SLIT2: variants seen among roughly 807,000 people sequenced by gnomAD.
The protein encoded by SLIT2 is slit guidance ligand 2.
A neutral mutation model predicts 185.7 loss-of-function variants in SLIT2; 41 were observed. That is an observed-to-expected ratio of 0.22 (90% CI 0.17 to 0.29). The LOEUF is 0.29. Ranked by LOEUF, SLIT2 falls within the 10% of genes least tolerant of loss-of-function variation. The probability of loss-of-function intolerance (pLI) is 1.00; values close to 1 mark genes in which losing one functional copy is unlikely to be tolerated. For synonymous variants in SLIT2, 693 were observed against 680.2 expected (o/e 1.02, Z -0.29); for missense variants, 1,571 against 1,909.0 (o/e 0.82, Z 3.30).
At chr4:20,435,843 C>T (rs552706276) in intron 4 of SLIT2, among the ~76,000 whole-genome samples, 5 of 152,216 alleles carry the variant, frequency 3.3e-5, no homozygotes, top group South Asian at 4.2e-4. Flanking sequence ...CATGAAAAGT[C>T]GACCAATGTA....
At chr4:20,603,345 T>C (rs1017848209) in intron 33 of SLIT2, among the ~76,000 whole-genome samples, 3 of 152,142 alleles carry the variant, frequency 2.0e-5, no homozygotes, top group Admixed American at 6.5e-5. Context: ...TTATGGGAAC[T>C]ACAATTCAAG....
At chr4:20,603,787 TTC>T (rs1728585037) in intron 33 of SLIT2, among the ~76,000 whole-genome samples, 1 of 152,146 alleles carries the variant, frequency 6.6e-6, no homozygotes, top group Admixed American at 6.5e-5. Flanking sequence ...AGGCTTACAT[TTC>T]AACAAAAATA....
At chr4:20,365,335 G>A (rs1490548416) in intron 4 of SLIT2, among the ~76,000 whole-genome samples, 1 of 152,114 alleles carries the variant, frequency 6.6e-6, no homozygotes, top group Non-Finnish European at 1.5e-5. Flanking sequence ...TAACTCCTCA[G>A]GGATGCTGTT....
At chr4:20,377,486 A>T (rs558639799) in intron 4 of SLIT2, among the ~76,000 whole-genome samples, 2 of 152,152 alleles carry the variant, frequency 1.3e-5, no homozygotes, top group African/African-American at 4.8e-5. Flanking sequence ...ATGCAGAGTT[A>T]TAAGTAGGGA....
At chr4:20,463,006 A>G (rs745825874) in intron 4 of SLIT2, among the ~76,000 whole-genome samples, 1 of 152,190 alleles carries the variant, frequency 6.6e-6, no homozygotes, top group African/African-American at 2.4e-5. Flanking sequence ...TTTTAAAAGT[A>G]TGAACTCATT....
intron 12 of SLIT2, among the ~76,000 whole-genome samples, chr4:20,519,989 G>A (rs147447473): frequency 0.011 from 1,491 of 140,016 alleles, 21 homozygotes; most frequent in East Asian, 0.075. Flanking sequence ...AGCAGAGATC[G>A]CGCCACTGCA....
chr4:20,482,254 C>G (rs572768047), intron 6 of SLIT2, among the ~76,000 whole-genome samples: 1 of 152,040 alleles, frequency 6.6e-6, no homozygotes, highest in Non-Finnish European at 1.5e-5. Context: ...TGATACCAAT[C>G]ATTTTATGCA....
chr4:20,388,946 A>T (rs1577557415), intron 4 of SLIT2, among the ~76,000 whole-genome samples: 2 of 146,400 alleles, frequency 1.4e-5, no homozygotes, highest in East Asian at 2.0e-4. Context: ...ACACACATAC[A>T]TGTATATATG....
At chr4:20,322,930 C>T (rs948575910) in intron 4 of SLIT2, among the ~76,000 whole-genome samples, 1 of 152,166 alleles carries the variant, frequency 6.6e-6, no homozygotes, top group African/African-American at 2.4e-5. Context: ...GAGTCTTCTA[C>T]ATCAGTGGAT....
intron 9 of SLIT2, among the ~76,000 whole-genome samples, chr4:20,500,785 C>G (rs1203442756): frequency 6.6e-6 from 1 of 152,138 alleles, no homozygotes; most frequent in Admixed American, 6.5e-5. Flanking sequence ...AGATAAGAAG[C>G]TATCATGCCG....
chr4:20,602,074 G>A (rs1006384337), intron 33 of SLIT2, among the ~76,000 whole-genome samples: 1 of 151,972 alleles, frequency 6.6e-6, no homozygotes, highest in Non-Finnish European at 1.5e-5. Context: ...ATTCTATAGG[G>A]TATTTTTGGT....
chr4:20,372,674 A>G (rs1723690023), intron 4 of SLIT2, among the ~76,000 whole-genome samples: 1 of 152,032 alleles, frequency 6.6e-6, no homozygotes. Context: ...AATTTTGCAT[A>G]TGAATTCTAG....
At chr4:20,308,771 T>C (rs1032970244) in intron 4 of SLIT2, among the ~76,000 whole-genome samples, 2 of 152,176 alleles carry the variant, frequency 1.3e-5, no homozygotes, top group Non-Finnish European at 2.9e-5. Context: ...AGATCCTATT[T>C]TAAATATATC....
chr4:20,525,818 G>A lies in SLIT2; in HGVS notation c.1462+646G>A, dbSNP rs534936924. On this transcript the variant is annotated intron_variant, in intron 15 of 36. Transcript: ENST00000504154. ...AAGAATATTTATGTGTGATGTGAAA[G>A]CATCAGAAGTTCATGGGCACAAAAT... 3.0e-4 allele frequency among the ~76,000 whole-genome samples: 45 copies of A among 152,214 alleles called. No individual in the cohort carries two copies. In the South Asian group the frequency reaches 6.6e-3, roughly 22 times the overall value.
chr4:20,373,503 T>G (rs1022283866), intron 4 of SLIT2, among the ~76,000 whole-genome samples: 11 of 151,950 alleles, frequency 7.2e-5, no homozygotes, highest in African/African-American at 2.7e-4. Flanking sequence ...CTACTAAAAT[T>G]TTATCTATCC....
intron 21 of SLIT2, among the ~76,000 whole-genome samples, chr4:20,543,049 A>G (rs1722953846): frequency 6.6e-6 from 1 of 152,032 alleles, no homozygotes; most frequent in African/African-American, 2.4e-5. Flanking sequence ...ATTTACTTAC[A>G]GTCTAGGATA....
At chr4:20,295,719 A>G (rs1716390864) in intron 4 of SLIT2, among the ~76,000 whole-genome samples, 1 of 152,188 alleles carries the variant, frequency 6.6e-6, no homozygotes, top group Admixed American at 6.5e-5. Flanking sequence ...ATATTGAAAG[A>G]TTTTTGCTGT....
At chr4:20,293,388 G>A (rs1716158390) in intron 4 of SLIT2, among the ~76,000 whole-genome samples, 1 of 152,152 alleles carries the variant, frequency 6.6e-6, no homozygotes, top group Admixed American at 6.5e-5. Context: ...AAAGAGGAAG[G>A]ACATTTAAAA....
At chr4:20,503,561 C>T (rs1299337132) in intron 9 of SLIT2, among the ~76,000 whole-genome samples, 1 of 85,594 alleles carries the variant, frequency 1.2e-5, no homozygotes, top group African/African-American at 4.7e-5. Flanking sequence ...TGCCTAAGCC[C>T]ATTTTTTTTC....
Sources: allele counts gnomAD v4.1 joint callset (sites outside exome capture counted in the v4.1 genomes callset), GRCh38; gene constraint gnomAD v4.1.1; transcripts MANE v1.5; gene names NCBI Gene and HGNC (gene_info 2026-07-23, HGNC 2026-07-21).